Variants in GEMIN7 observed in about 807,000 individuals in gnomAD.
GEMIN7 encodes gem-associated protein 7.
GEMIN7 carries 7 observed loss-of-function variants against 7.8 expected under a neutral mutation model. The ratio of observed to expected loss-of-function variants is 0.90; its 90% CI spans 0.51 to 1.69. The LOEUF is 1.69. Among genes scored for constraint, GEMIN7 ranks in the 40% most tolerant of loss-of-function variants. The pLI, the probability that GEMIN7 is intolerant of heterozygous loss-of-function variation, is 0.00. For missense variants in GEMIN7, 159 were observed against 176.2 expected (o/e 0.90, Z 0.55); for synonymous variants, 68 against 72.4 (o/e 0.94, Z 0.31).
intron 2 of GEMIN7, among the ~76,000 whole-genome samples, chr19:45,085,863 CTTTTTTTTT>C (rs869044428): frequency 7.9e-5 from 7 of 88,412 alleles, no homozygotes; most frequent in Non-Finnish European, 1.2e-4. Context: ...ACAAGAATCT[CTTTTTTTTT>C]TTTTTTTTTT....
At chr19:45,077,782 T>C (rs1426152001), upstream of GEMIN7, among the ~76,000 whole-genome samples, 1 of 152,036 alleles carries the variant, frequency 6.6e-6, no homozygotes, top group East Asian at 1.9e-4. Flanking sequence ...ACTTTCTCCA[T>C]CTGTCAAAGG....
chr19:45,087,332 C>T (rs982160767), intron 2 of GEMIN7, among the ~76,000 whole-genome samples: 28 of 152,230 alleles, frequency 1.8e-4, no homozygotes, highest in African/African-American at 6.0e-4. Context: ...TTAGTACAGA[C>T]GGGGTTTTAC....
upstream of GEMIN7, chr19:45,076,054 GC>G: frequency 6.3e-7 from 1 of 1,576,016 alleles, no homozygotes; most frequent in Non-Finnish European, 8.6e-7. This position sits in a 1 kb window ranked among gnomAD's most constrained non-coding sequence, Gnocchi z 4.9. Flanking sequence ...GGGAGGCTGG[GC>G]CCAGGGCCCG....
intron 2 of GEMIN7, among the ~76,000 whole-genome samples, chr19:45,084,375 A>G (rs1245521641): frequency 3.9e-5 from 4 of 101,588 alleles, no homozygotes; most frequent in Admixed American, 9.4e-5. Context: ...ATAAAATAAA[A>G]TAAAATTAAT....
At chr19:45,084,396 T>TTTTA (rs1369675444) in intron 2 of GEMIN7, among the ~76,000 whole-genome samples, 99 of 151,412 alleles carry the variant, frequency 6.5e-4, no homozygotes, top group African/African-American at 2.2e-3. Flanking sequence ...TAATTAAAAA[T>TTTTA]TTTATTTATT....
upstream of GEMIN7, among the ~76,000 whole-genome samples, chr19:45,077,710 C>T (rs2122642841): frequency 1.3e-5 from 2 of 152,238 alleles, no homozygotes; most frequent in Middle Eastern, 6.8e-3. Context: ...CCCCACCCTG[C>T]TGAAGGCCTT....
At position 45,080,758 on chromosome 19, in the gene GEMIN7, G is replaced by GTTTT. The variant is rs199542404; in HGVS notation, c.-9+732_-9+735dup. On this transcript the variant is annotated intron_variant, in intron 2 of 2. Coordinates refer to ENST00000270257, the MANE Select transcript of GEMIN7 (RefSeq NM_024707.3). Reference sequence around the variant, plus strand: ...GCATCAATATGACCAAATCTCCCTTGTTTTTTGTTTTTTTTTTTTTTTTTC... The same window carrying GTTTT: ...GCATCAATATGACCAAATCTCCCTTGTTTTTTTTTTGTTTTTTTTTTTTTTTTTC... Among the ~76,000 whole-genome samples, 46 of 121,290 alleles carry GTTTT rather than the reference G, an allele frequency of 3.8e-4. 6 individuals are homozygous for GTTTT. Among genetic ancestry groups the GTTTT allele is most frequent in the South Asian group, 7.5e-4 (3 of 4,016 alleles). The allele number at this position is 121,290 out of a possible 152,430, so 79.6% of individuals were successfully genotyped here.
At chr19:45,078,040 C>G (rs1052079773), upstream of GEMIN7, among the ~76,000 whole-genome samples, 1 of 150,722 alleles carries the variant, frequency 6.6e-6, no homozygotes, top group African/African-American at 2.4e-5. Context: ...TCAGACCACC[C>G]AATTTTAAGT....
In GEMIN7 at chr19:45,091,135, T is replaced by G. The variant is rs560081630; in HGVS notation, c.*625T>G. ...GGGAGATTAGGATTTGATTTCATTT[T>G]GGGGCGGGCGGTGGCTCGTGCTGGG... is the stretch of plus-strand genomic sequence containing the variant. On this transcript the variant is annotated 3_prime_UTR_variant, in exon 3 of 3. Coordinates refer to ENST00000270257, the MANE Select transcript of GEMIN7 (RefSeq NM_024707.3). The G allele has an allele frequency of 1.2e-3, 197 of 167,652 alleles. No homozygotes were observed. Among genetic ancestry groups the G allele is most frequent in the Non-Finnish European group, 5.8e-4 (40 of 68,522 alleles). 10.4% of individuals were successfully genotyped at this position (167,652 alleles called of 1,614,324 possible). A position where few individuals can be genotyped will look rare whatever the true frequency, so the allele number is the denominator to read the frequency against.
At chr19:45,078,177 C>T (rs1014422233), upstream of GEMIN7, among the ~76,000 whole-genome samples, 2 of 148,002 alleles carry the variant, frequency 1.4e-5, no homozygotes, top group Non-Finnish European at 3.0e-5. Flanking sequence ...CCTCAGCTCA[C>T]TGCAACCTCC....
upstream of GEMIN7, among the ~76,000 whole-genome samples, chr19:45,079,008 C>T (rs1416742906): frequency 6.6e-6 from 1 of 152,212 alleles, no homozygotes; most frequent in Non-Finnish European, 1.5e-5. Flanking sequence ...GAAGTCTTCC[C>T]CTCTCTGAAC....
chr19:45,090,294 C>G lies in GEMIN7; in HGVS notation c.180C>G (p.Ala60=). ...AATCCCAGGAGCAGCGGGCACGAGC[C>G]GCCCTTCGGGAGCGTTACCTCCGCA... ...SLESQEQRAR[A]ALRERYLRSL... is the part of the protein sequence containing the mutation. The change falls in exon 3 of 3, where the codon GCC becomes GCG. Residue 60 remains alanine (A), a synonymous_variant. Transcript: ENST00000270257. 6.2e-7 allele frequency: 1 copy of G among 1,614,152 alleles called. No homozygotes were observed. The highest frequency in any genetic ancestry group is 8.5e-7 in the Non-Finnish European group (1 of 1,180,012).
At chr19:45,078,593 CTGA>C (rs1331981747), upstream of GEMIN7, among the ~76,000 whole-genome samples, 8 of 152,246 alleles carry the variant, frequency 5.3e-5, no homozygotes, top group East Asian at 1.5e-3. Flanking sequence ...TACTATGTGT[CTGA>C]TGATATTCTT....
upstream of GEMIN7, chr19:45,075,843 G>T (rs2122637558): frequency 6.2e-7 from 1 of 1,614,076 alleles, no homozygotes; most frequent in Non-Finnish European, 8.5e-7. Flanking sequence ...CTGGGTGTTT[G>T]TCGGTCCAGG....
upstream of GEMIN7, among the ~76,000 whole-genome samples, chr19:45,077,871 T>G (rs1967387086): frequency 6.6e-6 from 1 of 151,964 alleles, no homozygotes; most frequent in African/African-American, 2.4e-5. Context: ...ACCCTTTTTT[T>G]TTTTGTAATT....
intron 2 of GEMIN7, chr19:45,088,627 C>T (rs1196721015): frequency 6.6e-6 from 1 of 152,144 alleles, no homozygotes; most frequent in Non-Finnish European, 1.5e-5. Flanking sequence ...ATGCCTATCC[C>T]TGTTGTCCTT....
In GEMIN7 at chr19:45,090,400, G is replaced by A. The variant is rs745702182; in HGVS notation, c.286G>A (p.Asp96Asn). Residue 96 changes from aspartate to asparagine, a missense_variant, in exon 3 of 3, where the codon GAC becomes AAC. By Grantham distance (23) the Asp-to-Asn change is conservative (BLOSUM62 1). Coordinates refer to ENST00000270257, the MANE Select transcript of GEMIN7 (RefSeq NM_024707.3). Reference sequence around the variant, plus strand: ...TGTGGCCGCCCACTTTGGAGCCACCGACCTGGATGTGGCCAACTTCTACGT... The same window carrying A: ...TGTGGCCGCCCACTTTGGAGCCACCAACCTGGATGTGGCCAACTTCTACGT... ...VRVAAHFGAT[D>N]LDVANFYVSQ... The A allele has an allele frequency of 3.7e-5, 60 of 1,614,140 alleles. No individual in the cohort carries two copies. Among genetic ancestry groups the A allele is most frequent in the Non-Finnish European group, 4.8e-5 (57 of 1,180,046 alleles).
chr19:45,089,073 C>T (rs926170971), intron 2 of GEMIN7, among the ~76,000 whole-genome samples: 1 of 151,952 alleles, frequency 6.6e-6, no homozygotes, highest in Admixed American at 6.6e-5. Flanking sequence ...TCCCGAGTAG[C>T]TGGGACTACA....
upstream of GEMIN7, chr19:45,076,921 A>C (rs1366790826): frequency 6.6e-6 from 1 of 152,312 alleles, no homozygotes; most frequent in Non-Finnish European, 1.5e-5. The surrounding 1 kb of genome is among the most constrained non-coding windows in gnomAD (Gnocchi z 4.9). Flanking sequence ...CTTTGTTTGC[A>C]CGGAGTTCAG....
Sources: gnomAD v4.1 joint callset for allele counts (sites outside exome capture counted in the v4.1 genomes callset) on GRCh38, gnomAD v4.1.1 for gene constraint, Gnocchi (gnomAD v3.1) non-coding constraint, MANE v1.5 for transcripts, NCBI Gene and HGNC (gene_info 2026-07-23, HGNC 2026-07-21) for gene names.